PPP2CA: variants seen among roughly 807,000 people sequenced by gnomAD.
PPP2CA encodes the protein serine/threonine-protein phosphatase 2A catalytic subunit alpha isoform.
In PPP2CA, 5 loss-of-function variants were observed where a neutral mutation model predicts 38.8. That is an observed-to-expected ratio of 0.13 (90% confidence interval 0.07 to 0.27). The LOEUF is 0.27. Among genes scored for constraint, PPP2CA ranks in the 10% least tolerant of loss-of-function variants. The pLI, the probability that PPP2CA is intolerant of heterozygous loss-of-function variation, is 1.00. For synonymous variants in PPP2CA, 152 were observed against 134.0 expected (o/e 1.13, Z -0.93); for missense variants, 88 against 389.7 (o/e 0.23, Z 6.52).
chr5:134,221,746 G>T (rs1317990314), intron 1 of PPP2CA, among the ~76,000 whole-genome samples: 1 of 152,036 alleles, frequency 6.6e-6, no homozygotes, highest in Non-Finnish European at 1.5e-5. Flanking sequence ...GAGGTGGGTG[G>T]ATCACTGAAG....
intron 1 of PPP2CA, among the ~76,000 whole-genome samples, chr5:134,212,094 G>A (rs879643683): frequency 1.5e-4 from 21 of 139,264 alleles, no homozygotes; most frequent in Non-Finnish European, 2.9e-4. Context: ...ACTCCAGCCT[G>A]GGTGACAGTG....
intron 6 of PPP2CA, 81 bp from the exon 7 acceptor site, chr5:134,197,925 A>T: frequency 8.5e-7 from 1 of 1,174,388 alleles, no homozygotes; most frequent in Non-Finnish European, 1.3e-6. Flanking sequence ...TGAGTCTTCC[A>T]AACTTTACAC....
chr5:134,199,828 CCA>C (rs1297817611), intron 5 of PPP2CA, among the ~76,000 whole-genome samples: 1 of 152,140 alleles, frequency 6.6e-6, no homozygotes, highest in Non-Finnish European at 1.5e-5. Flanking sequence ...TTATTGATAA[CCA>C]CAGAGTTGTA....
intron 2 of PPP2CA, among the ~76,000 whole-genome samples, chr5:134,204,697 ATCC>A (rs1350312012): frequency 1.3e-5 from 2 of 152,026 alleles, no homozygotes; most frequent in African/African-American, 4.8e-5. Context: ...GACTCAAGTG[ATCC>A]TTCCCGCCTT....
At position 134,226,041 on chromosome 5, in the gene PPP2CA, C is replaced by T. The variant is rs879015493; in HGVS notation, c.-180G>A. ...CCGTCGGCCGCTGCGCCTCCTCCTC[C>T]GCTCGCTGAGGCTCCAGAGCTCGGC... On this transcript the variant is annotated 5_prime_UTR_variant, in exon 1 of 7. Transcript: ENST00000481195. 2 of 534,580 alleles carry T rather than the reference C, an allele frequency of 3.7e-6. No individual in the cohort carries two copies. Among genetic ancestry groups the T allele is most frequent in the South Asian group, 4.6e-5 (2 of 43,514 alleles). The allele number at this position is 534,580 out of a possible 1,614,324, so 33.1% of individuals were successfully genotyped here. A position where few individuals can be genotyped will look rare whatever the true frequency, so the allele number is the denominator to read the frequency against.
intron 4 of PPP2CA, 70 bp from the exon 5 acceptor site, chr5:134,200,566 C>A: frequency 6.5e-7 from 1 of 1,531,030 alleles, no homozygotes; most frequent in Non-Finnish European, 8.9e-7. Flanking sequence ...AGTAATTCAT[C>A]AGAAGCAGCA....
chr5:134,206,199 C>G, intron 1 of PPP2CA, 68 bp from the exon 2 acceptor site: 1 of 1,371,790 alleles, frequency 7.3e-7, no homozygotes, highest in Admixed American at 1.8e-5. Flanking sequence ...GATTTGTTTA[C>G]TTACACTTAA....
chr5:134,216,935 T>C (rs1010311878), intron 1 of PPP2CA, among the ~76,000 whole-genome samples: 4 of 152,186 alleles, frequency 2.6e-5, no homozygotes, highest in African/African-American at 7.2e-5. Flanking sequence ...GTACTAATAA[T>C]AGTACTATTT....
intron 1 of PPP2CA, among the ~76,000 whole-genome samples, chr5:134,215,018 A>G (rs1368655248): frequency 7.4e-6 from 1 of 134,892 alleles, no homozygotes; most frequent in Non-Finnish European, 1.6e-5. Flanking sequence ...ACCTTGAAGT[A>G]TTTTGGAATC....
intron 1 of PPP2CA, among the ~76,000 whole-genome samples, chr5:134,216,537 C>CAAA (rs748030385): frequency 3.4e-5 from 1 of 29,586 alleles, no homozygotes; most frequent in Admixed American, 2.4e-4. Flanking sequence ...GAGACTGCCT[C>CAAA]AAAAAAAAAA....
intron 1 of PPP2CA, among the ~76,000 whole-genome samples, chr5:134,215,694 C>T (rs992856118): frequency 1.3e-5 from 2 of 152,210 alleles, no homozygotes; most frequent in Non-Finnish European, 2.9e-5. Context: ...CTGCCCTGGC[C>T]TCCCAATCTG....
chr5:134,207,175 G>A (rs368835479), intron 1 of PPP2CA, among the ~76,000 whole-genome samples: 74 of 152,244 alleles, frequency 4.9e-4, no homozygotes, highest in African/African-American at 1.7e-3. Context: ...AGGCCAAGGC[G>A]GGCCGATCAC....
chr5:134,209,711 G>A (rs996304684), intron 1 of PPP2CA, among the ~76,000 whole-genome samples: 20 of 152,140 alleles, frequency 1.3e-4, no homozygotes, highest in Admixed American at 8.5e-4. Flanking sequence ...CTGGGAGGCG[G>A]AGGTTGCAGT....
At chr5:134,219,073 T>G (rs1418238714) in intron 1 of PPP2CA, among the ~76,000 whole-genome samples, 1 of 152,202 alleles carries the variant, frequency 6.6e-6, no homozygotes. Context: ...AAGAAATAGA[T>G]AGTGGGCATT....
intron 1 of PPP2CA, among the ~76,000 whole-genome samples, chr5:134,214,930 A>G (rs1162442194): frequency 6.6e-6 from 1 of 152,036 alleles, no homozygotes; most frequent in East Asian, 1.9e-4. Context: ...CACGACAACT[A>G]CTCAAGCTTC....
chr5:134,217,837 C>A (rs1483788882), intron 1 of PPP2CA, among the ~76,000 whole-genome samples: 1 of 152,174 alleles, frequency 6.6e-6, no homozygotes, highest in Non-Finnish European at 1.5e-5. Context: ...TGGTCTTACA[C>A]AAATCTAGAT....
intron 1 of PPP2CA, 96 bp from the exon 2 acceptor site, chr5:134,206,227 A>G: frequency 9.6e-7 from 1 of 1,041,620 alleles, no homozygotes; most frequent in Non-Finnish European, 1.4e-6. Flanking sequence ...TAAGGGGCAG[A>G]CTCAGTCTAA....
At chr5:134,198,102 C>T (rs1356723215) in intron 6 of PPP2CA, among the ~76,000 whole-genome samples, 1 of 152,060 alleles carries the variant, frequency 6.6e-6, no homozygotes, top group Non-Finnish European at 1.5e-5. Context: ...CAAAACAAAA[C>T]ATGGTTGGCC....
At chr5:134,216,922 TTAGTACTAATAA>T (rs1291235711) in intron 1 of PPP2CA, among the ~76,000 whole-genome samples, 7 of 152,242 alleles carry the variant, frequency 4.6e-5, no homozygotes, top group Admixed American at 6.5e-5. Flanking sequence ...CTTTACAATC[TTAGTACTAATAA>T]TAGTACTATT....
Sources: allele counts gnomAD v4.1 joint callset (sites outside exome capture counted in the v4.1 genomes callset), GRCh38; gene constraint gnomAD v4.1.1; transcripts MANE v1.5; gene names NCBI Gene and HGNC (gene_info 2026-07-23, HGNC 2026-07-21).